ATM: variants seen among roughly 807,000 people sequenced by gnomAD.
ATM encodes the protein ATM serine/threonine kinase.
In ATM, 308 loss-of-function variants were observed where a neutral mutation model predicts 387.0. The ratio of observed to expected loss-of-function variants is 0.80; its 90% CI spans 0.73 to 0.87. The LOEUF is 0.87. Among genes scored for constraint, ATM ranks in the 40% least tolerant of loss-of-function variants. ATM has a pLI of 0.00. For synonymous variants in ATM, 1,156 were observed against 1,187.3 expected (o/e 0.97, Z 0.54); for missense variants, 3,312 against 3,560.9 (o/e 0.93, Z 1.78).
chr11:108,235,295 C>CAA (rs781029926), intron 4 of ATM, among the ~76,000 whole-genome samples: 13 of 77,746 alleles, frequency 1.7e-4, no homozygotes, highest in African/African-American at 3.7e-4. Context: ...GATTCCATCT[C>CAA]AAAAAAAAAA....
intron 26 of ATM, among the ~76,000 whole-genome samples, chr11:108,286,798 A>G (rs2082518117): frequency 6.6e-6 from 1 of 152,090 alleles, no homozygotes; most frequent in African/African-American, 2.4e-5. Flanking sequence ...GTCACCTTCT[A>G]AAATATTTTT....
At chr11:108,292,005 G>A (rs2082821729) in intron 29 of ATM, among the ~76,000 whole-genome samples, 1 of 152,138 alleles carries the variant, frequency 6.6e-6, no homozygotes, top group Non-Finnish European at 1.5e-5. Context: ...GTAATCTTTT[G>A]CCCTATGCAC....
At position 108,281,024 on chromosome 11, in the gene ATM, G is replaced by A. The variant is rs1060501625; in HGVS notation, c.3432G>A (p.Leu1144=). 1.2e-6 allele frequency: 2 copies of A among 1,612,730 alleles called. No homozygotes were observed. The change falls in exon 24 of 63, where the codon TTG becomes TTA. Residue 1144 remains leucine, a synonymous_variant. Coordinates refer to ENST00000675843, the MANE Select transcript of ATM (RefSeq NM_000051.4). ...ATAGTGCTGAGAACCCTGAAACTTT[G>A]GATGAAATTTATAATAGAAAATCTG... ...MSHSAENPET[L]DEIYNRKSVL...
chr11:108,327,640 T>C lies in ATM; in HGVS notation c.6976-5T>C, dbSNP rs1555120913. 1 of 1,612,052 alleles carries C rather than the reference T, an allele frequency of 6.2e-7. No homozygotes were observed. The highest frequency in any genetic ancestry group is 8.5e-7 in the Non-Finnish European group (1 of 1,178,264). Reference sequence around the variant, plus strand: ...ATATTTTAAGATTTTGCCTTTCTTATACAGAACAATCCCAGCCTAAAACTT... The same window carrying C: ...ATATTTTAAGATTTTGCCTTTCTTACACAGAACAATCCCAGCCTAAAACTT... On this transcript the variant is annotated splice_region_variant and splice_polypyrimidine_tract_variant and intron_variant, in intron 47 of 62. Transcript: ENST00000675843.
At position 108,299,788 on chromosome 11, in the gene ATM, G is replaced by A. The variant is rs756197350; in HGVS notation, c.5080G>A (p.Ala1694Thr). 4.3e-6 allele frequency: 7 copies of A among 1,613,968 alleles called. No individual in the cohort carries two copies. The highest frequency in any genetic ancestry group is 5.9e-6 in the Non-Finnish European group (7 of 1,179,916). Residue 1694 changes from alanine (A) to threonine (T), a missense_variant, in exon 34 of 63, where the codon GCA becomes ACA. Transcript: ENST00000675843. ...CATAGCTATACAACATAGTAAAGAT[G>A]CATCTTATACCAAGGCCCTTAAGTT... ...STIAIQHSKD[A>T]SYTKALKLFE...
chr11:108,247,463 C>G (rs1259347304), intron 8 of ATM, among the ~76,000 whole-genome samples: 1 of 152,110 alleles, frequency 6.6e-6, no homozygotes. Flanking sequence ...CAAGCCCAGT[C>G]TGTTTCTTTT....
chr11:108,365,590 A>C lies in ATM; in HGVS notation c.*82A>C. The stretch of plus-strand genomic sequence containing the variant: ...TATTTTTAACCTGCCAACATACTTT[A>C]AGTAGGGATTAATATTTAAGTGAAC... On this transcript the variant is annotated 3_prime_UTR_variant, in exon 63 of 63. Coordinates refer to ENST00000675843, the MANE Select transcript of ATM (RefSeq NM_000051.4). 1 of 1,473,824 alleles carries C rather than the reference A, an allele frequency of 6.8e-7. No individual in the cohort carries two copies. 91.3% of individuals were successfully genotyped at this position (1,473,824 alleles called of 1,614,324 possible).
chr11:108,289,986 T>G, intron 29 of ATM, 185 bp downstream of exon 29: 1 of 558,666 alleles, frequency 1.8e-6, no homozygotes, highest in South Asian at 2.2e-5. Flanking sequence ...CCCTGCCGGG[T>G]AGCTGGGGCT....
At chr11:108,332,698 T>G in intron 52 of ATM, 64 bp from the exon 53 acceptor site, 1 of 1,538,336 alleles carries the variant, frequency 6.5e-7, no homozygotes. Flanking sequence ...TTTGTTTTTC[T>G]AACTCTGAGA....
At chr11:108,237,874 A>ACTGTATAT (rs1365375841) in intron 5 of ATM, among the ~76,000 whole-genome samples, 45 of 143,886 alleles carry the variant, frequency 3.1e-4, no homozygotes, top group African/African-American at 1.2e-3. Flanking sequence ...ATCCATGAAC[A>ACTGTATAT]CTGTATATCT....
intron 33 of ATM, among the ~76,000 whole-genome samples, chr11:108,298,279 T>C (rs537009707): frequency 6.6e-6 from 1 of 152,348 alleles, no homozygotes; most frequent in African/African-American, 2.4e-5. Flanking sequence ...GATTCTACTA[T>C]CTTTCTTCAA....
chr11:108,271,660 T>A (rs999623381), intron 20 of ATM, among the ~76,000 whole-genome samples: 5 of 152,258 alleles, frequency 3.3e-5, no homozygotes, highest in African/African-American at 1.2e-4. Flanking sequence ...TTGACATGTA[T>A]AGTGAATAAA....
At chr11:108,338,693 A>G (rs1185370915) in intron 56 of ATM, among the ~76,000 whole-genome samples, 3 of 149,374 alleles carry the variant, frequency 2.0e-5, no homozygotes, top group Non-Finnish European at 4.4e-5. Flanking sequence ...AACCCAGATA[A>G]TTAATTATTT....
chr11:108,264,096 A>G (rs1168365646), intron 16 of ATM, among the ~76,000 whole-genome samples: 1 of 151,722 alleles, frequency 6.6e-6, no homozygotes, highest in Non-Finnish European at 1.5e-5. Context: ...ATTCCAATCA[A>G]TAGAAAAAGA....
chr11:108,340,328 C>A (rs897738308), intron 56 of ATM: 1 of 152,112 alleles, frequency 6.6e-6, no homozygotes, highest in Non-Finnish European at 1.5e-5. Context: ...AGCAAGATGT[C>A]ATATCATTTC....
intron 61 of ATM, among the ~76,000 whole-genome samples, chr11:108,358,901 C>A (rs1244283): frequency 5.7e-4 from 87 of 151,746 alleles, no homozygotes; most frequent in East Asian, 1.7e-3. Flanking sequence ...CGAACAAAAT[C>A]ACCAGCTAAC....
intron 56 of ATM, among the ~76,000 whole-genome samples, chr11:108,340,623 C>G (rs367862120): frequency 6.6e-6 from 1 of 152,318 alleles, no homozygotes; most frequent in South Asian, 2.1e-4. Flanking sequence ...CAACAGTTTA[C>G]TTCTGCTCTT....
chr11:108,251,116 AC>A, intron 10 of ATM, 44 bp downstream of exon 10: 1 of 1,611,268 alleles, frequency 6.2e-7, no homozygotes, highest in South Asian at 1.1e-5. Context: ...ATAAACACAC[AC>A]AGACACACAC....
rs876659217 is a variant in ATM, at chr11:108,272,606, A to G, written c.3152A>G (p.Glu1051Gly). The change falls in exon 21 of 63, where the codon GAG (glutamate) becomes GGG (glycine). Residue 1051 changes from glutamate to glycine, a missense_variant and splice_region_variant. This residue lies in a region of ATM where 1,791 missense variants were observed against 1,804.5 expected (regional missense o/e 0.99). Transcript: ENST00000675843. ...GTAAATTGCCTTAAAACTTTGCTTG[A>G]GGTGAGTTTTTGCATTTTTTTAGTA... ...ALVNCLKTLL[E>G]ADPYSKWAIL... 6.2e-7 allele frequency: 1 copy of G among 1,613,652 alleles called. No homozygotes were observed. Among genetic ancestry groups the G allele is most frequent in the Non-Finnish European group, 8.5e-7 (1 of 1,179,668 alleles).
Sources: allele counts gnomAD v4.1 joint callset (sites outside exome capture counted in the v4.1 genomes callset), GRCh38; gene constraint gnomAD v4.1.1; regional missense constraint gnomAD v4.1.1; transcripts MANE v1.5; gene names NCBI Gene and HGNC (gene_info 2026-07-23, HGNC 2026-07-21).